Variants in WWP2 observed in about 807,000 individuals in gnomAD.
WWP2 encodes NEDD4-like E3 ubiquitin-protein ligase WWP2.
Under a neutral mutation model 121.0 loss-of-function variants are expected in WWP2, and 57 were observed. The observed-to-expected ratio is 0.47, with a 90% CI of 0.38 to 0.59. The LOEUF is 0.59. Ranked by LOEUF, WWP2 falls within the 20% of genes least tolerant of loss-of-function variation. The pLI is 0.00. For missense variants in WWP2, 962 were observed against 1,158.9 expected (o/e 0.83, Z 2.47); for synonymous variants, 449 against 441.3 (o/e 1.02, Z -0.22).
At position 69,850,904 on chromosome 16, in the gene WWP2, A is replaced by G. The variant is rs147590302; in HGVS notation, c.575+8784A>G. Among the ~76,000 whole-genome samples the G allele has an allele frequency of 6.0e-3, 907 of 151,964 alleles. 4 individuals are homozygous for G. The highest frequency in any genetic ancestry group is 8.7e-3 in the Non-Finnish European group (594 of 67,984). On this transcript the variant is annotated intron_variant, in intron 6 of 23. Coordinates refer to ENST00000359154, the MANE Select transcript of WWP2 (RefSeq NM_001270454.2). ...AAACATATATACTCTCTTCCCCACTATCAACATCCCCCACCAGAGTGGTAC... is the reference window on the plus strand; with the variant it reads ...AAACATATATACTCTCTTCCCCACTGTCAACATCCCCCACCAGAGTGGTAC...
At chr16:69,878,133 G>A (rs909471642) in intron 7 of WWP2, among the ~76,000 whole-genome samples, 1 of 152,060 alleles carries the variant, frequency 6.6e-6, no homozygotes, top group African/African-American at 2.4e-5. Flanking sequence ...ATATGGATGG[G>A]GTTTGTGGCA....
intron 10 of WWP2, among the ~76,000 whole-genome samples, chr16:69,922,814 A>G (rs963831093): frequency 1.3e-5 from 2 of 152,242 alleles, no homozygotes; most frequent in Non-Finnish European, 2.9e-5. Context: ...AATGAAAAGT[A>G]AAATTGTTGT....
chr16:69,832,272 C>G (rs1483090027), intron 4 of WWP2, among the ~76,000 whole-genome samples: 1 of 152,150 alleles, frequency 6.6e-6, no homozygotes, highest in African/African-American at 2.4e-5. Flanking sequence ...TTACCCAGTT[C>G]AGTAGCCATC....
At position 69,868,661 on chromosome 16, in the gene WWP2, GCACACACACACACACA is replaced by G. The variant is rs57674223; in HGVS notation, c.576-3126_576-3111del. Among the ~76,000 whole-genome samples, 626 of 149,332 alleles carry G rather than the reference GCACACACACACACACA, an allele frequency of 4.2e-3. 3 individuals carry two copies. The highest frequency in any genetic ancestry group is 6.8e-3 in the Middle Eastern group (2 of 294). ...CTCTGCCCTCAACACATACACATGTGCACACACACACACACACACACACACACACACAGACATACAC... is the reference window on the plus strand; with the variant it reads ...CTCTGCCCTCAACACATACACATGTGCACACACACACACACAGACATACAC... On this transcript the variant is annotated intron_variant, in intron 6 of 23. Coordinates refer to ENST00000359154, the MANE Select transcript of WWP2 (RefSeq NM_001270454.2).
intron 1 of WWP2, among the ~76,000 whole-genome samples, chr16:69,770,596 A>G (rs2055393381): frequency 6.6e-6 from 1 of 152,154 alleles, no homozygotes; most frequent in East Asian, 1.9e-4. Context: ...GCTCTAGCAA[A>G]TTTATCAATC....
intron 4 of WWP2, among the ~76,000 whole-genome samples, chr16:69,815,128 G>A (rs149980375): frequency 0.051 from 7,771 of 151,722 alleles, 264 homozygotes; most frequent in Middle Eastern, 0.11. Flanking sequence ...TCAGACTCCT[G>A]AGTAGCTGAG....
rs1352426825 is a variant in WWP2 at position 69,888,158 on chromosome 16, C to T, written c.823C>T (p.Pro275Ser). ...TCCCAACACGACTTCTCTCCCTGCC[C>T]CAGCCACACCGGCTGAAGGAGAGGA... ...PNPNTTSLPA[P>S]ATPAEGEEPS... Residue 275 changes from proline to serine, a missense_variant, in exon 8 of 24, where the codon CCA (proline) becomes TCA (serine). Around this residue, in one of 3 missense-constraint regions of WWP2, gnomAD observed 211 missense variants for 196.5 expected, o/e 1.07. Transcript: ENST00000359154. 2 of 1,614,218 alleles carry T rather than the reference C, an allele frequency of 1.2e-6. No homozygotes were observed. The highest frequency in any genetic ancestry group is 3.3e-5 in the Admixed American group (2 of 60,028).
At chr16:69,910,691 G>C (rs958475891) in intron 9 of WWP2, among the ~76,000 whole-genome samples, 5 of 152,146 alleles carry the variant, frequency 3.3e-5, no homozygotes, top group African/African-American at 7.2e-5. Flanking sequence ...TTACAGATGT[G>C]AGCCACTGCG....
At chr16:69,843,753 C>T (rs936159748) in intron 6 of WWP2, among the ~76,000 whole-genome samples, 2 of 152,010 alleles carry the variant, frequency 1.3e-5, no homozygotes, top group Admixed American at 6.6e-5. Context: ...CCTGTAGTCC[C>T]AGCTACTTGG....
intron 8 of WWP2, among the ~76,000 whole-genome samples, chr16:69,895,956 G>A (rs1180900334): frequency 6.6e-6 from 1 of 152,130 alleles, no homozygotes; most frequent in African/African-American, 2.4e-5. Flanking sequence ...ATTGTTACAT[G>A]CTTAGGTCAC....
chr16:69,908,771 C>G lies in WWP2; in HGVS notation c.925C>G (p.Arg309Gly). The change falls in exon 9 of 24, where the codon CGA becomes GGA. Residue 309 changes from arginine to glycine, a missense_variant. Coordinates refer to ENST00000359154, the MANE Select transcript of WWP2 (RefSeq NM_001270454.2). ...GACTTTATTTTTCAGATGGGAACAG[C>G]GAGAGCTGCCCAACGGACGTGTCTA... ...PDALPAGWEQ[R>G]ELPNGRVYYV... is the part of the protein sequence containing the mutation. 6.2e-7 allele frequency: 1 copy of G among 1,614,126 alleles called. No individual in the cohort carries two copies. Among genetic ancestry groups the G allele is most frequent in the Non-Finnish European group, 8.5e-7 (1 of 1,179,988 alleles).
chr16:69,784,145 G>A (rs1432997059), intron 1 of WWP2, among the ~76,000 whole-genome samples: 1 of 139,016 alleles, frequency 7.2e-6, no homozygotes, highest in African/African-American at 2.7e-5. Context: ...CATCGCCCGG[G>A]CTGGAGTGCA....
At chr16:69,929,178 C>T (rs1365176983) in intron 11 of WWP2, among the ~76,000 whole-genome samples, 5 of 152,092 alleles carry the variant, frequency 3.3e-5, no homozygotes, top group South Asian at 4.2e-4. Flanking sequence ...GCCACACCAC[C>T]CCCTCCCTCC....
At chr16:69,931,314 A>G (rs1293189179) in intron 14 of WWP2, 87 bp downstream of exon 14, 1 of 1,565,728 alleles carries the variant, frequency 6.4e-7, no homozygotes, top group African/African-American at 1.4e-5. Flanking sequence ...AGGTATCGGA[A>G]TGTTTGTGTC....
chr16:69,909,639 A>G (rs770192981), intron 9 of WWP2: 9 of 985,398 alleles, frequency 9.1e-6, no homozygotes, highest in Non-Finnish European at 1.1e-5. Context: ...ATCAGTACTC[A>G]CTGTGTTTTC....
intron 4 of WWP2, among the ~76,000 whole-genome samples, chr16:69,806,303 A>T (rs914870877): frequency 2.0e-4 from 30 of 152,208 alleles, no homozygotes; most frequent in East Asian, 7.7e-4. Flanking sequence ...TTCCTTGAAA[A>T]TTTTGTTAGA....
intron 6 of WWP2, among the ~76,000 whole-genome samples, chr16:69,846,547 T>A (rs569838873): frequency 5.1e-4 from 77 of 152,046 alleles, no homozygotes; most frequent in African/African-American, 1.8e-3. Flanking sequence ...ATGGCGAAAC[T>A]TCTTCTCTAC....
At chr16:69,854,748 G>A (rs1224537204) in intron 6 of WWP2, among the ~76,000 whole-genome samples, 6 of 151,980 alleles carry the variant, frequency 3.9e-5, no homozygotes, top group Admixed American at 6.6e-5. Context: ...GCGAGGTTTC[G>A]CCAAGTTGGT....
At chr16:69,830,838 C>T (rs1008186810) in intron 4 of WWP2, among the ~76,000 whole-genome samples, 1 of 152,190 alleles carries the variant, frequency 6.6e-6, no homozygotes, top group Non-Finnish European at 1.5e-5. Flanking sequence ...AGCCTTCTCT[C>T]TAGACCTGGG....
Sources: allele counts gnomAD v4.1 joint callset (sites outside exome capture counted in the v4.1 genomes callset), GRCh38; gene constraint gnomAD v4.1.1; regional missense constraint gnomAD v4.1.1; transcripts MANE v1.5; gene names NCBI Gene and HGNC (gene_info 2026-07-23, HGNC 2026-07-21).